The following SHROOM2 variants were observed in gnomAD, a reference collection of about 807,000 sequenced individuals.
SHROOM2 encodes protein Shroom2.
SHROOM2 carries 33 observed loss-of-function variants against 75.9 expected under a neutral mutation model. That is an observed-to-expected ratio of 0.43 (90% CI 0.33 to 0.58). The LOEUF (loss-of-function observed/expected upper bound fraction) is 0.58, where lower values mean the gene tolerates loss of function less well. Ranked by LOEUF, SHROOM2 falls within the 20% of genes least tolerant of loss-of-function variation. The probability of loss-of-function intolerance (pLI) is 0.04; values close to 1 mark genes in which losing one functional copy is unlikely to be tolerated. For missense variants in SHROOM2, 1,434 were observed against 1,461.2 expected, an observed-to-expected ratio of 0.98 and a Z score of 0.30; for synonymous variants, 655 against 663.6, an observed-to-expected ratio of 0.99 and a Z score of 0.20.
intron 2 of SHROOM2, among the ~76,000 whole-genome samples, chrX:9,875,333 C>T (rs909690720): frequency 9.1e-6 from 1 of 109,913 alleles, no homozygotes; most frequent in African/African-American, 3.3e-5. Flanking sequence ...TATAGCAGCA[C>T]GTTTGTTCTT....
chrX:9,794,938 A>G (rs1016155520), intron 1 of SHROOM2, among the ~76,000 whole-genome samples: 1 of 111,905 alleles, frequency 8.9e-6, no homozygotes, highest in Non-Finnish European at 1.9e-5. Flanking sequence ...TTATCTTGAC[A>G]GTAAATTGTT....
intron 7 of SHROOM2, 77 bp downstream of exon 7, chrX:9,937,762 CCT>C (rs1476593127): frequency 4.5e-6 from 4 of 898,572 alleles, no homozygotes; most frequent in Non-Finnish European, 6.0e-6. Context: ...AGGGGGTCTG[CCT>C]CTCTGTTTTC....
chrX:9,877,690 G>A (rs1056729432), intron 2 of SHROOM2, among the ~76,000 whole-genome samples: 3 of 112,340 alleles, frequency 2.7e-5, no homozygotes, highest in Admixed American at 1.9e-4. Flanking sequence ...CATTAGCAGC[G>A]GATCTACCGC....
intron 2 of SHROOM2, among the ~76,000 whole-genome samples, chrX:9,881,801 A>G (rs1466985643): frequency 8.9e-6 from 1 of 111,749 alleles, no homozygotes; most frequent in Non-Finnish European, 1.9e-5. Context: ...CTGTGCTGTG[A>G]CTGTAAAGTC....
At chrX:9,793,388 C>T (rs1203876927) in intron 1 of SHROOM2, among the ~76,000 whole-genome samples, 1 of 109,123 alleles carries the variant, frequency 9.2e-6, no homozygotes, top group African/African-American at 3.4e-5. Context: ...CTCTGGGGTT[C>T]AAGCGATCCT....
intron 1 of SHROOM2, among the ~76,000 whole-genome samples, chrX:9,861,057 G>T (rs950423171): frequency 2.7e-5 from 3 of 112,152 alleles, no homozygotes; most frequent in African/African-American, 9.7e-5. Flanking sequence ...GTACTGTTGT[G>T]GTTTTGCAAG....
chrX:9,790,933 C>CTGGA (rs1374451263), intron 1 of SHROOM2, among the ~76,000 whole-genome samples: 3 of 110,615 alleles, frequency 2.7e-5, no homozygotes, highest in Admixed American at 9.7e-5. Context: ...GGTCTGGGAG[C>CTGGA]TGGAGGCTTT....
rs772930518 is a variant in SHROOM2 at position 9,925,667 on chromosome X, A to G, written c.2892-6508A>G. 5.3e-5 allele frequency among the ~76,000 whole-genome samples: 6 copies of G among 112,427 alleles called. No individual in the cohort carries two copies. The South Asian group carries it at 2.2e-3, about 41-fold the overall frequency. The stretch of plus-strand genomic sequence containing the variant: ...CCCAGACCCTGGCTTTGTAGCATAC[A>G]TTTTCAAGGAGGACTCTTGGGCCAC... On this transcript the variant is annotated intron_variant, in intron 5 of 9. Coordinates refer to ENST00000380913, the MANE Select transcript of SHROOM2 (RefSeq NM_001649.4).
intron 1 of SHROOM2, among the ~76,000 whole-genome samples, chrX:9,846,754 C>A (rs2084008668): frequency 8.9e-6 from 1 of 112,554 alleles, no homozygotes; most frequent in Non-Finnish European, 1.9e-5. Context: ...TCTCTTTCAT[C>A]TTTCCCCAGA....
In SHROOM2 at chrX:9,823,206, T is replaced by TTCC. The variant is rs200757192; in HGVS notation, c.165+36522_165+36524dup. Among the ~76,000 whole-genome samples, 287 of 76,213 alleles carry TTCC rather than the reference T, an allele frequency of 3.8e-3. 2 individuals are homozygous for TTCC. The highest frequency in any genetic ancestry group is 0.016 in the Middle Eastern group (2 of 123). 66.2% of individuals were successfully genotyped at this position (76,213 alleles called of 115,157 possible). On this transcript the variant is annotated intron_variant, in intron 1 of 9. Coordinates refer to ENST00000380913, the MANE Select transcript of SHROOM2 (RefSeq NM_001649.4). Reference sequence around the variant, plus strand: ...TCTCCTCCTCCTCCTCCTTCTCCTCTTCCTCCTCCTCCTCCTCCTCCTCCT... The same window carrying TTCC: ...TCTCCTCCTCCTCCTCCTTCTCCTCTTCCTCCTCCTCCTCCTCCTCCTCCTCCT...
At chrX:9,828,458 G>A (rs1383099598) in intron 1 of SHROOM2, among the ~76,000 whole-genome samples, 3 of 111,301 alleles carry the variant, frequency 2.7e-5, no homozygotes, top group African/African-American at 6.5e-5. Flanking sequence ...AGAAGTTATT[G>A]TTCTTCTTCT....
Position 9,944,841 on chromosome X carries a change from G to A in SHROOM2, c.4512G>A (p.Ser1504=), listed in dbSNP as rs758110847. ...ACAAAGTGGTGAACCTCCTGCTGTCGCTGTCAGGCCGCCTGGCCCGGGTGG... is the reference window on the plus strand; with the variant it reads ...ACAAAGTGGTGAACCTCCTGCTGTCACTGTCAGGCCGCCTGGCCCGGGTGG... ...DLDKVVNLLL[S]LSGRLARVEN... is the part of the protein sequence containing the mutation. Residue 1504 remains serine, a synonymous_variant, in exon 9 of 10, where the codon TCG becomes TCA. Transcript: ENST00000380913. 92 of 1,210,367 alleles carry A rather than the reference G, an allele frequency of 7.6e-5. No individual in the cohort carries two copies. In the East Asian group the frequency reaches 2.2e-3, roughly 29 times the overall value.
intron 1 of SHROOM2, among the ~76,000 whole-genome samples, chrX:9,833,985 C>A (rs961877455): frequency 9.0e-6 from 1 of 111,058 alleles, no homozygotes; most frequent in East Asian, 2.9e-4. Flanking sequence ...CGCTGAGGTT[C>A]CCATCTACAC....
At chrX:9,818,566 C>T in intron 1 of SHROOM2, 2 of 306,669 alleles carry the variant, frequency 6.5e-6, no homozygotes, top group Non-Finnish European at 1.2e-5. Context: ...CTACCCCACA[C>T]GTAAAGCCAT....
intron 5 of SHROOM2, among the ~76,000 whole-genome samples, chrX:9,909,890 C>T (rs964080494): frequency 8.9e-6 from 1 of 112,021 alleles, no homozygotes; most frequent in Non-Finnish European, 1.9e-5. Flanking sequence ...CTGGCAGATT[C>T]GGTGTCTGGT....
At chrX:9,943,703 T>G (rs1241759871) in intron 8 of SHROOM2, among the ~76,000 whole-genome samples, 1 of 111,883 alleles carries the variant, frequency 8.9e-6, no homozygotes, top group African/African-American at 3.2e-5. Flanking sequence ...GCAAGCTTTA[T>G]GTTACATATA....
intron 5 of SHROOM2, among the ~76,000 whole-genome samples, chrX:9,899,869 C>G (rs764555118): frequency 3.6e-5 from 4 of 112,486 alleles, no homozygotes; most frequent in Non-Finnish European, 7.5e-5. Flanking sequence ...TGCAGTGCAT[C>G]GTGGGCAGTG....
intron 5 of SHROOM2, among the ~76,000 whole-genome samples, chrX:9,914,642 C>T (rs900793668): frequency 2.7e-5 from 3 of 111,541 alleles, no homozygotes; most frequent in African/African-American, 9.8e-5. Context: ...ACCTTTAAAA[C>T]ATATTTGCCG....
chrX:9,858,936 G>A (rs2084087644), intron 1 of SHROOM2, among the ~76,000 whole-genome samples: 2 of 111,771 alleles, frequency 1.8e-5, no homozygotes, highest in African/African-American at 3.3e-5. Flanking sequence ...ACTTGAGGCC[G>A]GGCGCGGTGG....
Sources: allele counts gnomAD v4.1 joint callset (sites outside exome capture counted in the v4.1 genomes callset), GRCh38; gene constraint gnomAD v4.1.1; transcripts MANE v1.5; gene names NCBI Gene and HGNC (gene_info 2026-07-23, HGNC 2026-07-21).